Variants in PIGL observed in about 807,000 individuals in gnomAD.
PIGL encodes the protein N-acetylglucosaminyl-phosphatidylinositol de-N-acetylase.
Under a neutral mutation model 31.1 loss-of-function variants are expected in PIGL, and 22 were observed. The observed-to-expected ratio is 0.71, with a 90% CI of 0.51 to 1.01. The LOEUF (loss-of-function observed/expected upper bound fraction) is 1.01. Among genes scored for constraint, PIGL ranks in the 50% least tolerant of loss-of-function variants. PIGL has a pLI of 0.00. For missense variants in PIGL, 302 were observed against 315.9 expected, an observed-to-expected ratio of 0.96 and a Z score of 0.33; for synonymous variants, 131 against 117.4, an observed-to-expected ratio of 1.12 and a Z score of -0.75.
chr17:16,248,425 G>T (rs2092757792), intron 2 of PIGL, among the ~76,000 whole-genome samples: 1 of 152,104 alleles, frequency 6.6e-6, no homozygotes, highest in Non-Finnish European at 1.5e-5. Context: ...ACACAATACA[G>T]GCAGGTTCTT....
chr17:16,219,282 G>C (rs1283159651), intron 1 of PIGL, among the ~76,000 whole-genome samples: 1 of 151,302 alleles, frequency 6.6e-6, no homozygotes, highest in Non-Finnish European at 1.5e-5. Context: ...GGATGGTCTT[G>C]ATCTCCTGAA....
chr17:16,300,108 C>G, intron 3 of PIGL, 130 bp downstream of exon 3: 1 of 669,696 alleles, frequency 1.5e-6, no homozygotes, highest in Non-Finnish European at 2.7e-6. Flanking sequence ...CTAAGGAGGC[C>G]AGAACTTCCA....
chr17:16,293,230 A>G (rs984651290), intron 2 of PIGL, among the ~76,000 whole-genome samples: 3 of 152,224 alleles, frequency 2.0e-5, no homozygotes, highest in African/African-American at 7.2e-5. Flanking sequence ...GTTTTATAAA[A>G]TTGCAATCTT....
chr17:16,247,192 C>A (rs974496053), intron 2 of PIGL, among the ~76,000 whole-genome samples: 4 of 152,136 alleles, frequency 2.6e-5, no homozygotes, highest in Non-Finnish European at 5.9e-5. Flanking sequence ...TCCTAAAACC[C>A]TATCTCAAAA....
chr17:16,270,052 C>T (rs760329892), intron 2 of PIGL, among the ~76,000 whole-genome samples: 1 of 151,476 alleles, frequency 6.6e-6, no homozygotes, highest in Non-Finnish European at 1.5e-5. Context: ...TTTGGGAGGC[C>T]GAGGCGGGCA....
At chr17:16,287,304 T>C (rs2092942535) in intron 2 of PIGL, among the ~76,000 whole-genome samples, 2 of 152,234 alleles carry the variant, frequency 1.3e-5, no homozygotes, top group African/African-American at 2.4e-5. Flanking sequence ...AGATAAATAC[T>C]TCCTTCTTTA....
intron 2 of PIGL, among the ~76,000 whole-genome samples, chr17:16,286,170 A>G (rs2092936744): frequency 6.6e-6 from 1 of 152,254 alleles, no homozygotes; most frequent in Admixed American, 6.5e-5. Context: ...AAGCCACAAG[A>G]CCAAATAAGG....
At chr17:16,286,264 C>T (rs1423009523) in intron 2 of PIGL, among the ~76,000 whole-genome samples, 1 of 152,226 alleles carries the variant, frequency 6.6e-6, no homozygotes, top group African/African-American at 2.4e-5. Context: ...AAGCTGTTAC[C>T]CAACCCTGCT....
chr17:16,219,654 G>A (rs1171021484), intron 1 of PIGL, among the ~76,000 whole-genome samples: 7 of 151,988 alleles, frequency 4.6e-5, no homozygotes, highest in African/African-American at 1.7e-4. Flanking sequence ...TGCAACCTAC[G>A]CCTCCTGAGT....
At chr17:16,241,532 A>G (rs891768635) in intron 2 of PIGL, among the ~76,000 whole-genome samples, 1 of 151,892 alleles carries the variant, frequency 6.6e-6, no homozygotes, top group African/African-American at 2.4e-5. Flanking sequence ...ACACCACTGC[A>G]CTCCAGAATG....
rs569325514 is a variant in PIGL at position 16,293,932 on chromosome 17, T to C, written c.336-5956T>C. 2.0e-5 allele frequency among the ~76,000 whole-genome samples: 3 copies of C among 152,268 alleles called. No individual in the cohort carries two copies. The East Asian group carries it at 5.8e-4, about 29-fold the overall frequency. On this transcript the variant is annotated intron_variant, in intron 2 of 6. Transcript: ENST00000225609. Reference sequence around the variant, plus strand: ...GGTTTCTAAATACAAGGAAGGTGTGTAGTAAAGAATTTGGCCTTGTCCAAT... The same window carrying C: ...GGTTTCTAAATACAAGGAAGGTGTGCAGTAAAGAATTTGGCCTTGTCCAAT...
At chr17:16,322,146 T>A (rs1376625576) in intron 6 of PIGL, among the ~76,000 whole-genome samples, 1 of 151,602 alleles carries the variant, frequency 6.6e-6, no homozygotes, top group Non-Finnish European at 1.5e-5. Flanking sequence ...CAGGCTGGAG[T>A]GCAGTGGAGC....
At chr17:16,287,914 T>A (rs920987618) in intron 2 of PIGL, among the ~76,000 whole-genome samples, 1 of 152,230 alleles carries the variant, frequency 6.6e-6, no homozygotes, top group African/African-American at 2.4e-5. Flanking sequence ...ACGTTGGCCT[T>A]TAGGCTTCTC....
intron 2 of PIGL, among the ~76,000 whole-genome samples, chr17:16,287,237 C>T (rs745658235): frequency 2.0e-5 from 3 of 152,212 alleles, no homozygotes; most frequent in Non-Finnish European, 4.4e-5. Context: ...CTTGCGATTG[C>T]CCGGGGGTCC....
intron 2 of PIGL, among the ~76,000 whole-genome samples, chr17:16,283,283 G>A (rs1045515322): frequency 2.0e-5 from 3 of 151,974 alleles, no homozygotes; most frequent in Non-Finnish European, 4.4e-5. Context: ...GATTACAGGC[G>A]TGAGCCACTG....
intron 6 of PIGL, among the ~76,000 whole-genome samples, chr17:16,318,132 A>G (rs1356884301): frequency 6.6e-6 from 1 of 152,222 alleles, no homozygotes; most frequent in Non-Finnish European, 1.5e-5. Flanking sequence ...TGCTTTTTCT[A>G]AAAGTAAATA....
intron 2 of PIGL, among the ~76,000 whole-genome samples, chr17:16,285,777 TCTTA>T (rs149015862): frequency 0.05 from 7,642 of 152,214 alleles, 641 homozygotes; most frequent in African/African-American, 0.17. Context: ...CTTTTCCTTC[TCTTA>T]CTTATCTTTT....
chr17:16,226,178 A>G (rs2092651406), intron 1 of PIGL, among the ~76,000 whole-genome samples: 1 of 151,900 alleles, frequency 6.6e-6, no homozygotes, highest in South Asian at 2.1e-4. Flanking sequence ...AACAAGAAAA[A>G]CCAATCACCT....
chr17:16,317,344 C>T, intron 5 of PIGL: 1 of 963,130 alleles, frequency 1.0e-6, no homozygotes, highest in Non-Finnish European at 1.2e-6. Flanking sequence ...AGGCAGGTCT[C>T]ACACTATCAA....
Sources: allele counts gnomAD v4.1 joint callset (sites outside exome capture counted in the v4.1 genomes callset), GRCh38; gene constraint gnomAD v4.1.1; transcripts MANE v1.5; gene names NCBI Gene and HGNC (gene_info 2026-07-23, HGNC 2026-07-21).